RSRC1: variants seen among roughly 807,000 people sequenced by gnomAD.
RSRC1 encodes serine/Arginine-related protein 53.
RSRC1 carries 39 observed loss-of-function variants against 49.1 expected under a neutral mutation model. That is an observed-to-expected ratio of 0.79 (90% confidence interval 0.61 to 1.04). The LOEUF is 1.04. Among genes scored for constraint, RSRC1 ranks in the 50% least tolerant of loss-of-function variants. The pLI, the probability that RSRC1 is intolerant of heterozygous loss-of-function variation, is 0.00. For synonymous variants in RSRC1, 143 were observed against 130.8 expected (o/e 1.09, Z -0.63); for missense variants, 388 against 402.4 (o/e 0.96, Z 0.31).
chr3:158,477,373 C>T (rs1054707431), intron 7 of RSRC1, among the ~76,000 whole-genome samples: 1 of 152,022 alleles, frequency 6.6e-6, no homozygotes, highest in Non-Finnish European at 1.5e-5. Context: ...ATGCAGCAAG[C>T]TTCATTGTTG....
chr3:158,316,508 G>A (rs933558634), intron 5 of RSRC1, among the ~76,000 whole-genome samples: 4 of 134,928 alleles, frequency 3.0e-5, no homozygotes, highest in East Asian at 2.3e-4. Context: ...GCAGTGGCGC[G>A]ATCTCGGCTC....
chr3:158,512,704 G>C (rs9653954), intron 7 of RSRC1, among the ~76,000 whole-genome samples: 71,141 of 145,306 alleles, frequency 0.49, 17,573 homozygotes, highest in South Asian at 0.57. Context: ...ATTACCTTGG[G>C]CAGTATGGCC....
chr3:158,525,653 C>T (rs964792439), intron 7 of RSRC1, among the ~76,000 whole-genome samples: 1 of 151,904 alleles, frequency 6.6e-6, no homozygotes, highest in Non-Finnish European at 1.5e-5. Flanking sequence ...TGGAAACAAC[C>T]CAAATGTTCA....
chr3:158,278,947 A>G (rs189160739), intron 4 of RSRC1, among the ~76,000 whole-genome samples: 4 of 152,334 alleles, frequency 2.6e-5, no homozygotes, highest in Middle Eastern at 3.4e-3. Flanking sequence ...TTAAAAATCA[A>G]CATATATGCT....
At chr3:158,406,635 A>G (rs1191815285) in intron 6 of RSRC1, among the ~76,000 whole-genome samples, 1 of 152,074 alleles carries the variant, frequency 6.6e-6, no homozygotes, top group Admixed American at 6.6e-5. Context: ...TATTATATTT[A>G]ATTAGAGTAA....
At chr3:158,153,238 T>A (rs1717661474) in intron 3 of RSRC1, among the ~76,000 whole-genome samples, 1 of 152,204 alleles carries the variant, frequency 6.6e-6, no homozygotes, top group Non-Finnish European at 1.5e-5. Flanking sequence ...CTAGAGATTC[T>A]CTTAACCATC....
chr3:158,386,826 CAAA>C (rs56825777), intron 6 of RSRC1, among the ~76,000 whole-genome samples: 4 of 123,410 alleles, frequency 3.2e-5, no homozygotes, highest in Non-Finnish European at 5.3e-5. Flanking sequence ...TTCACTAGAC[CAAA>C]AAAAAAAAAA....
intron 7 of RSRC1, among the ~76,000 whole-genome samples, chr3:158,513,875 A>G (rs1740340708): frequency 1.3e-5 from 2 of 152,026 alleles, no homozygotes; most frequent in Admixed American, 1.3e-4. Context: ...GAATTTATCC[A>G]TTTCTTCTAG....
chr3:158,221,955 T>C (rs1461212993), intron 4 of RSRC1, among the ~76,000 whole-genome samples: 2 of 151,602 alleles, frequency 1.3e-5, no homozygotes, highest in Admixed American at 6.6e-5. Flanking sequence ...GTTATAGATA[T>C]GCTTGTGTAC....
intron 3 of RSRC1, among the ~76,000 whole-genome samples, chr3:158,184,357 C>T (rs1719806957): frequency 6.6e-6 from 1 of 151,822 alleles, no homozygotes; most frequent in African/African-American, 2.4e-5. Flanking sequence ...ACATATGCTT[C>T]GATTTCAAGT....
intron 4 of RSRC1, among the ~76,000 whole-genome samples, chr3:158,252,784 T>C (rs1203835234): frequency 1.3e-5 from 2 of 152,140 alleles, no homozygotes; most frequent in African/African-American, 4.8e-5. Context: ...TCTATTCACG[T>C]TTTGTATTTT....
chr3:158,225,204 AG>A (rs1722460450), intron 4 of RSRC1, among the ~76,000 whole-genome samples: 1 of 151,792 alleles, frequency 6.6e-6, no homozygotes, highest in Non-Finnish European at 1.5e-5. Context: ...TGACCACCAG[AG>A]GTTAAGTGAT....
chr3:158,318,752 G>A (rs1728602391), intron 5 of RSRC1, among the ~76,000 whole-genome samples: 1 of 152,158 alleles, frequency 6.6e-6, no homozygotes, highest in South Asian at 2.1e-4. Context: ...ACTTGGGAAG[G>A]GCACCTCTCT....
intron 7 of RSRC1, among the ~76,000 whole-genome samples, chr3:158,464,054 C>G (rs1355585285): frequency 6.6e-6 from 1 of 152,012 alleles, no homozygotes; most frequent in Admixed American, 6.6e-5. Flanking sequence ...TTTAGGAAAA[C>G]TGAATAGTAT....
intron 4 of RSRC1, chr3:158,275,754 G>T: frequency 2.2e-6 from 1 of 455,340 alleles, no homozygotes; most frequent in Non-Finnish European, 3.5e-6. Context: ...CCTGTAAGCA[G>T]ACATGACTGC....
chr3:158,304,891 G>A (rs1193185645), intron 5 of RSRC1, among the ~76,000 whole-genome samples: 1 of 152,130 alleles, frequency 6.6e-6, no homozygotes, highest in Non-Finnish European at 1.5e-5. Flanking sequence ...TCCTATGAAT[G>A]TGTGCAAATT....
chr3:158,372,098 A>G (rs139636267), intron 6 of RSRC1, among the ~76,000 whole-genome samples: 2 of 151,970 alleles, frequency 1.3e-5, no homozygotes, highest in African/African-American at 4.8e-5. Flanking sequence ...GTTATTTGCA[A>G]GTATTTTTCA....
In RSRC1 at chr3:158,299,500, T is replaced by C. The variant is rs138190140; in HGVS notation, c.531+1425T>C. On this transcript the variant is annotated intron_variant, in intron 5 of 9. Coordinates refer to ENST00000611884, the MANE Select transcript of RSRC1 (RefSeq NM_001271838.2). ...GGTGCCCGTCACCACACTCAGCTAT[T>C]TTTTTGTGTGTTTTTAGTAGAGATG... Among the ~76,000 whole-genome samples, 8 of 151,846 alleles carry C rather than the reference T, an allele frequency of 5.3e-5. No individual in the cohort carries two copies. In the East Asian group the frequency reaches 1.6e-3, roughly 30 times the overall value.
intron 4 of RSRC1, among the ~76,000 whole-genome samples, chr3:158,233,044 C>A (rs930423160): frequency 6.6e-6 from 1 of 152,044 alleles, no homozygotes; most frequent in Non-Finnish European, 1.5e-5. Context: ...GAAATGGAAT[C>A]CAGTAAATTG....
Sources: gnomAD v4.1 joint callset for allele counts (sites outside exome capture counted in the v4.1 genomes callset) on GRCh38, gnomAD v4.1.1 for gene constraint, MANE v1.5 for transcripts, NCBI Gene and HGNC (gene_info 2026-07-23, HGNC 2026-07-21) for gene names.